The following FBXL13 variants were observed in gnomAD, a reference collection of about 807,000 sequenced individuals.
FBXL13 encodes the protein F-box and leucine rich repeat protein 13, also known as F-box and leucine-rich repeat protein 13.
A neutral mutation model predicts 83.6 loss-of-function variants in FBXL13; 67 were observed. That is an observed-to-expected ratio of 0.80 (90% CI 0.66 to 0.98). FBXL13 has a LOEUF of 0.98. FBXL13 is among the 50% of genes least tolerant of loss of function. The probability of loss-of-function intolerance (pLI) is 0.00; values close to 1 mark genes in which losing one functional copy is unlikely to be tolerated. For missense variants in FBXL13, 822 were observed against 866.5 expected, an observed-to-expected ratio of 0.95 and a Z score of 0.64; for synonymous variants, 272 against 299.5, an observed-to-expected ratio of 0.91 and a Z score of 0.95.
chr7:102,831,431 A>ACACACCCCCCCC (rs1033135095), intron 18 of FBXL13, among the ~76,000 whole-genome samples: 5 of 147,236 alleles, frequency 3.4e-5, no homozygotes, highest in African/African-American at 1.2e-4. Context: ...ACACACACAC[A>ACACACCCCCCCC]CCCCACTACA....
At chr7:102,989,336 T>C (rs1384391222) in intron 6 of FBXL13, among the ~76,000 whole-genome samples, 2 of 152,210 alleles carry the variant, frequency 1.3e-5, no homozygotes, top group Non-Finnish European at 2.9e-5. Flanking sequence ...ACAGAATGCA[T>C]CGCAAAGTCA....
rs568255878 is a variant in FBXL13 at position 102,994,513 on chromosome 7, T to C, written c.496-26396A>G. On this transcript the variant is annotated intron_variant, in intron 6 of 19. Coordinates refer to ENST00000313221, the Ensembl canonical transcript of FBXL13. ...CCTCAGTTTTGTAGTTGTCTGACTT[T>C]GGGGATGTGAAAAAAGTTATCTGAA... Among the ~76,000 whole-genome samples the C allele has an allele frequency of 3.3e-5, 5 of 152,200 alleles. No homozygotes were observed. In the South Asian group the frequency reaches 1.0e-3, roughly 32 times the overall value.
At chr7:103,069,742 T>C (rs1798748786) in intron 1 of FBXL13, among the ~76,000 whole-genome samples, 1 of 152,340 alleles carries the variant, frequency 6.6e-6, no homozygotes, top group African/African-American at 2.4e-5. Flanking sequence ...ATCTGGAACT[T>C]CTATTGTTCT....
rs750849321 is a variant in FBXL13 at position 102,934,071 on chromosome 7, C to T, written c.725-2138G>A. 6.8e-6 allele frequency: 11 copies of T among 1,614,154 alleles called. No individual in the cohort carries two copies. In the Admixed American group the frequency reaches 8.3e-5, roughly 12 times the overall value. On this transcript the variant is annotated intron_variant, in intron 8 of 19. Coordinates refer to ENST00000313221, the Ensembl canonical transcript of FBXL13. ...GTCAAACGCTACGCACCAGGCCTCC[C>T]GTGTGACGTGTACACATATCTCCAT...
At chr7:102,892,497 C>T (rs1306927598) in intron 11 of FBXL13, among the ~76,000 whole-genome samples, 4 of 152,016 alleles carry the variant, frequency 2.6e-5, no homozygotes, top group Non-Finnish European at 5.9e-5. Flanking sequence ...AGGTTGAAGT[C>T]TGGTTCAGAA....
At chr7:103,067,173 G>A (rs1193546883) in intron 1 of FBXL13, among the ~76,000 whole-genome samples, 1 of 152,096 alleles carries the variant, frequency 6.6e-6, no homozygotes, top group Non-Finnish European at 1.5e-5. Context: ...TGAATTTAAA[G>A]TGACACAATT....
At chr7:103,008,493 T>TG (rs1172080719) in intron 6 of FBXL13, among the ~76,000 whole-genome samples, 1 of 152,242 alleles carries the variant, frequency 6.6e-6, no homozygotes, top group Non-Finnish European at 1.5e-5. Context: ...GTACTGTGTT[T>TG]GCAACTTTCC....
chr7:102,856,159 T>TG (rs1235522835), intron 16 of FBXL13, among the ~76,000 whole-genome samples: 2 of 152,240 alleles, frequency 1.3e-5, no homozygotes, highest in Non-Finnish European at 2.9e-5. Context: ...TTGTTGACTG[T>TG]GGATTCTTTT....
At chr7:102,826,724 C>CTCATATATATAT (rs1465698757) in intron 18 of FBXL13, among the ~76,000 whole-genome samples, 1 of 62,732 alleles carries the variant, frequency 1.6e-5, no homozygotes, top group African/African-American at 4.6e-5. Flanking sequence ...GACCCTGTCT[C>CTCATATATATAT]ATATATATAT....
Position 103,027,492 on chromosome 7 carries a change from C to T in FBXL13, c.284G>A (p.Arg95Gln), listed in dbSNP as rs201343417. 45 of 1,612,818 alleles carry T rather than the reference C, an allele frequency of 2.8e-5. No homozygotes were observed. The Admixed American group carries it at 3.0e-4, about 11-fold the overall frequency. Residue 95 changes from arginine (R) to glutamine (Q), a missense_variant, in exon 5 of 20, where the codon CGG (arginine) becomes CAG (glutamine). Transcript: ENST00000313221. ...TTTACTCTTATGTCTTGCTGTATTC[C>T]GCCATTTTGTTAGGATAATGGTTAG...
rs1222834929 is a variant in FBXL13, at chr7:102,852,489, G to GA, written c.1719+2287dup. ...ACAACGAACTCAAACAAATTAGCAA[G>GA]AAAAAAACAAACAGTCCCATCAAAA... On this transcript the variant is annotated intron_variant, in intron 17 of 19. Transcript: ENST00000313221. Among the ~76,000 whole-genome samples, 20 of 151,790 alleles carry GA rather than the reference G, an allele frequency of 1.3e-4. 1 individual carries two copies. Among genetic ancestry groups the GA allele is most frequent in the Admixed American group, 9.2e-4 (14 of 15,238 alleles).
chr7:103,031,456 C>T (rs576156786), intron 2 of FBXL13: 1 of 152,300 alleles, frequency 6.6e-6, no homozygotes, highest in African/African-American at 2.4e-5. Flanking sequence ...GCCAATTCTC[C>T]ACCATCTGAC....
chr7:103,016,635 T>C (rs1278892764), intron 6 of FBXL13, among the ~76,000 whole-genome samples: 1 of 152,114 alleles, frequency 6.6e-6, no homozygotes, highest in Non-Finnish European at 1.5e-5. Flanking sequence ...CCTAATACTG[T>C]GCTTTTCCAA....
intron 14 of FBXL13, among the ~76,000 whole-genome samples, chr7:102,879,210 C>G (rs751956637): frequency 6.6e-6 from 1 of 152,172 alleles, no homozygotes. Flanking sequence ...CACAACAGCT[C>G]TACAGGTGGG....
chr7:103,029,488 A>T, intron 2 of FBXL13, 70 bp from the exon 4 acceptor site: 10 of 852,866 alleles, frequency 1.2e-5, no homozygotes, highest in Non-Finnish European at 1.7e-5. Flanking sequence ...CCTCTGCAAG[A>T]TACTCAAGAA....
At chr7:102,819,228 G>T (rs1039373907) in intron 19 of FBXL13, among the ~76,000 whole-genome samples, 1 of 152,116 alleles carries the variant, frequency 6.6e-6, no homozygotes, top group African/African-American at 2.4e-5. Context: ...TGAATGGCTG[G>T]CTGTCACAGC....
At chr7:103,053,792 G>C (rs1264832937) in intron 2 of FBXL13, among the ~76,000 whole-genome samples, 1 of 152,080 alleles carries the variant, frequency 6.6e-6, no homozygotes, top group African/African-American at 2.4e-5. Context: ...AAAAGTCTGT[G>C]GTTAATAAAG....
chr7:102,826,688 A>G (rs1225603890), intron 18 of FBXL13, among the ~76,000 whole-genome samples: 1 of 134,872 alleles, frequency 7.4e-6, no homozygotes, highest in Non-Finnish European at 1.6e-5. Flanking sequence ...CTGCACCACT[A>G]TACTACAGCC....
At chr7:102,871,766 C>T (rs1808568521) in intron 16 of FBXL13, among the ~76,000 whole-genome samples, 1 of 152,126 alleles carries the variant, frequency 6.6e-6, no homozygotes, top group South Asian at 2.1e-4. Flanking sequence ...CACCGAGGTC[C>T]CCATTTTCCA....
Sources: gnomAD v4.1 joint callset for allele counts (sites outside exome capture counted in the v4.1 genomes callset) on GRCh38, gnomAD v4.1.1 for gene constraint, MANE v1.5 for transcripts, NCBI Gene and HGNC (gene_info 2026-07-23, HGNC 2026-07-21) for gene names.